The following SNX29 variants were observed in gnomAD, a reference collection of about 807,000 sequenced individuals.
SNX29 encodes the protein sorting nexin-29.
SNX29 carries 78 observed loss-of-function variants against 102.1 expected under a neutral mutation model. The ratio of observed to expected loss-of-function variants is 0.76; its 90% CI spans 0.64 to 0.92. The LOEUF (loss-of-function observed/expected upper bound fraction) is 0.92. SNX29 is among the 40% of genes least tolerant of loss of function. The probability of loss-of-function intolerance (pLI) is 0.00; values close to 1 mark genes in which losing one functional copy is unlikely to be tolerated. For synonymous variants in SNX29, 580 were observed against 414.5 expected (o/e 1.40, Z -4.85); for missense variants, 1,280 against 1,061.7 (o/e 1.21, Z -2.86).
Position 12,573,083 on chromosome 16 carries a change from C to G in SNX29, c.*4454C>G, listed in dbSNP as rs928382729. 5.2e-5 allele frequency: 12 copies of G among 230,378 alleles called. No homozygotes were observed. Among genetic ancestry groups the G allele is most frequent in the Non-Finnish European group, 9.4e-5 (11 of 116,888 alleles). The allele number at this position is 230,378 out of a possible 1,614,324, so 14.3% of individuals were successfully genotyped here. A position where few individuals can be genotyped will look rare whatever the true frequency, so the allele number is the denominator to read the frequency against. On this transcript the variant is annotated 3_prime_UTR_variant, in exon 21 of 21. Coordinates refer to ENST00000566228, the MANE Select transcript of SNX29 (RefSeq NM_032167.5). ...TGTATATTTTATCTCATTTCTGTGCCAAGAAAGTTCATCTTTATGTTTTTC... is the reference window on the plus strand; with the variant it reads ...TGTATATTTTATCTCATTTCTGTGCGAAGAAAGTTCATCTTTATGTTTTTC...
chr16:12,271,175 C>A lies in SNX29; in HGVS notation c.1679-6758C>A, dbSNP rs113324580. On this transcript the variant is annotated intron_variant, in intron 14 of 20. Coordinates refer to ENST00000566228, the MANE Select transcript of SNX29 (RefSeq NM_032167.5). ...GCTTAAAACAACAAACATTTACAAT[C>A]TTTGTGTGGGATAGACAGCCTGGGT... 5.1e-3 allele frequency among the ~76,000 whole-genome samples: 780 copies of A among 152,338 alleles called. 7 individuals are homozygous for A. Among genetic ancestry groups the A allele is most frequent in the African/African-American group, 0.017 (715 of 41,586 alleles).
At chr16:12,189,338 T>C (rs1226089033) in intron 13 of SNX29, among the ~76,000 whole-genome samples, 2 of 152,230 alleles carry the variant, frequency 1.3e-5, no homozygotes, top group African/African-American at 4.8e-5. Context: ...GATTTTCATG[T>C]CTGTTCGGGC....
At chr16:12,281,921 T>G (rs1265179781) in intron 15 of SNX29, among the ~76,000 whole-genome samples, 8 of 151,668 alleles carry the variant, frequency 5.3e-5, no homozygotes, top group African/African-American at 1.9e-4. Flanking sequence ...AGAATCTGTT[T>G]CCATTCTCAA....
At chr16:12,462,431 T>C (rs991913339) in intron 18 of SNX29, among the ~76,000 whole-genome samples, 8 of 152,034 alleles carry the variant, frequency 5.3e-5, no homozygotes, top group Non-Finnish European at 1.0e-4. Flanking sequence ...ACTTGAAAAA[T>C]AGCATTTAAT....
intron 16 of SNX29, among the ~76,000 whole-genome samples, chr16:12,370,925 A>T (rs1229591413): frequency 6.6e-6 from 1 of 152,158 alleles, no homozygotes; most frequent in African/African-American, 2.4e-5. Context: ...GCTCCCTTTG[A>T]CCTGTTCTTC....
chr16:12,167,422 G>C lies in SNX29; in HGVS notation c.1596-32179G>C, dbSNP rs572865057. Among the ~76,000 whole-genome samples, 37 of 152,200 alleles carry C rather than the reference G, an allele frequency of 2.4e-4. 1 individual carries two copies. The highest frequency in any genetic ancestry group is 6.8e-3 in the Middle Eastern group (2 of 294). On this transcript the variant is annotated intron_variant, in intron 13 of 20. Coordinates refer to ENST00000566228, the MANE Select transcript of SNX29 (RefSeq NM_032167.5). The stretch of plus-strand genomic sequence containing the variant: ...CCAGGTAGAGCTCTTGATATTTCTT[G>C]TTCCTTCCCTGAGCTCACCTGGTTG...
At position 12,570,111 on chromosome 16, in the gene SNX29, A is replaced by C; in HGVS notation, c.*1482A>C. On this transcript the variant is annotated 3_prime_UTR_variant, in exon 21 of 21. Coordinates refer to ENST00000566228, the MANE Select transcript of SNX29 (RefSeq NM_032167.5). ...TGCCTTCCCCTCGTAGCAAAAAGGAAGATTGTTCATGGCCTTTAAGGAAGG... is the reference window on the plus strand; with the variant it reads ...TGCCTTCCCCTCGTAGCAAAAAGGACGATTGTTCATGGCCTTTAAGGAAGG... 1 of 1,008,290 alleles carries C rather than the reference A, an allele frequency of 9.9e-7. No homozygotes were observed. Among genetic ancestry groups the C allele is most frequent in the Non-Finnish European group, 1.2e-6 (1 of 828,236 alleles). 62.5% of individuals were successfully genotyped at this position (1,008,290 alleles called of 1,614,324 possible).
intron 13 of SNX29, among the ~76,000 whole-genome samples, chr16:12,196,186 G>A (rs569858537): frequency 2.8e-4 from 42 of 152,104 alleles, no homozygotes; most frequent in African/African-American, 8.7e-4. Context: ...ATGTTGCCCA[G>A]GCTGTTGTCC....
intron 13 of SNX29, among the ~76,000 whole-genome samples, chr16:12,140,191 A>G (rs1215283504): frequency 6.6e-6 from 1 of 152,032 alleles, no homozygotes; most frequent in Non-Finnish European, 1.5e-5. Context: ...ATGACTTTCC[A>G]TGTCTCCTCT....
chr16:12,027,636 G>A (rs1462797523), intron 4 of SNX29, 192 bp downstream of exon 4: 32 of 601,012 alleles, frequency 5.3e-5, no homozygotes, highest in Non-Finnish European at 7.4e-5. Context: ...TTTAAATGAA[G>A]TCATCTTTTG....
intron 20 of SNX29, chr16:12,526,654 C>G (rs1308713733): frequency 3.8e-6 from 2 of 522,690 alleles, no homozygotes; most frequent in Admixed American, 2.4e-5. Context: ...GAATTAGCCT[C>G]TCGCGGAGTC....
At position 12,113,020 on chromosome 16, in the gene SNX29, A is replaced by G. The variant is rs2053559056; in HGVS notation, c.1403-13613A>G. ...GTCTCAGGAGATCCACATGATTCCCATTGTGTTTGTCCAGTTATGCTCTGA... is the reference window on the plus strand; with the variant it reads ...GTCTCAGGAGATCCACATGATTCCCGTTGTGTTTGTCCAGTTATGCTCTGA... On this transcript the variant is annotated intron_variant, in intron 11 of 20. Coordinates refer to ENST00000566228, the MANE Select transcript of SNX29 (RefSeq NM_032167.5). Among the ~76,000 whole-genome samples the G allele has an allele frequency of 2.6e-5, 4 of 152,122 alleles. No homozygotes were observed. The South Asian group carries it at 8.3e-4, about 32-fold the overall frequency.
At chr16:12,500,918 C>T (rs3902080) in intron 19 of SNX29, among the ~76,000 whole-genome samples, 1 of 152,060 alleles carries the variant, frequency 6.6e-6, no homozygotes, top group Admixed American at 6.5e-5. Context: ...GTGGAGGGCA[C>T]CTGTTGCTCA....
intron 14 of SNX29, among the ~76,000 whole-genome samples, chr16:12,254,886 A>C (rs1002069994): frequency 6.6e-6 from 1 of 152,022 alleles, no homozygotes; most frequent in Non-Finnish European, 1.5e-5. Flanking sequence ...CATTGATGAG[A>C]GAGTAGGAGA....
chr16:12,075,064 G>A (rs200896306), intron 10 of SNX29, among the ~76,000 whole-genome samples: 1 of 152,026 alleles, frequency 6.6e-6, no homozygotes, highest in Non-Finnish European at 1.5e-5. Flanking sequence ...TTATACATTC[G>A]TCTAAATTTT....
At chr16:12,552,369 T>C (rs1465115760) in intron 20 of SNX29, among the ~76,000 whole-genome samples, 1 of 152,146 alleles carries the variant, frequency 6.6e-6, no homozygotes, top group South Asian at 2.1e-4. Flanking sequence ...AATACACGTG[T>C]AAGACAGCAA....
chr16:12,131,957 G>A (rs766102503), intron 13 of SNX29, among the ~76,000 whole-genome samples: 2 of 152,116 alleles, frequency 1.3e-5, no homozygotes, highest in East Asian at 1.9e-4. Flanking sequence ...TGCCTAGTTC[G>A]GCATTTTCTC....
At chr16:12,148,332 G>A (rs2055152620) in intron 13 of SNX29, among the ~76,000 whole-genome samples, 1 of 152,148 alleles carries the variant, frequency 6.6e-6, no homozygotes, top group South Asian at 2.1e-4. Flanking sequence ...TTGCCTTTGA[G>A]CACATTCCCT....
At chr16:12,152,535 C>G (rs1168110059) in intron 13 of SNX29, among the ~76,000 whole-genome samples, 1 of 152,172 alleles carries the variant, frequency 6.6e-6, no homozygotes, top group African/African-American at 2.4e-5. Flanking sequence ...CGTTGCTTTC[C>G]TTCTCTGAAC....
Sources: gnomAD v4.1 joint callset for allele counts (sites outside exome capture counted in the v4.1 genomes callset) on GRCh38, gnomAD v4.1.1 for gene constraint, MANE v1.5 for transcripts, NCBI Gene and HGNC (gene_info 2026-07-23, HGNC 2026-07-21) for gene names.